TP53BP1: variants seen among roughly 807,000 people sequenced by gnomAD.
TP53BP1 encodes the protein tumor protein p53 binding protein 1.
Under a neutral mutation model 200.8 loss-of-function variants are expected in TP53BP1, and 61 were observed. The observed-to-expected ratio is 0.30, with a 90% CI of 0.25 to 0.38. The LOEUF (loss-of-function observed/expected upper bound fraction) is 0.38, where lower values mean the gene tolerates loss of function less well. TP53BP1 is among the 10% of genes least tolerant of loss of function. TP53BP1 has a pLI of 1.00. For synonymous variants in TP53BP1, 822 were observed against 844.3 expected (o/e 0.97, Z 0.46); for missense variants, 2,144 against 2,371.9 (o/e 0.90, Z 2.00).
At chr15:43,453,298 TAATAC>T (rs1358489602) in intron 12 of TP53BP1, among the ~76,000 whole-genome samples, 2 of 150,050 alleles carry the variant, frequency 1.3e-5, no homozygotes, top group East Asian at 3.9e-4. Flanking sequence ...TATTTAAACA[TAATAC>T]AATTAGAAAA....
intron 16 of TP53BP1, among the ~76,000 whole-genome samples, chr15:43,434,177 A>G (rs996412873): frequency 1.3e-5 from 2 of 152,180 alleles, no homozygotes; most frequent in African/African-American, 2.4e-5. Flanking sequence ...GAACAAGACC[A>G]CCAGGAGACA....
chr15:43,474,833 T>C, intron 9 of TP53BP1, 66 bp from the exon 10 acceptor site: 1 of 1,173,990 alleles, frequency 8.5e-7, no homozygotes, highest in South Asian at 1.3e-5. Flanking sequence ...CTGTATTTGC[T>C]TTTACTTTTT....
chr15:43,407,630 A>G (rs1263718353), intron 27 of TP53BP1, 60 bp from the exon 28 acceptor site: 2 of 1,505,028 alleles, frequency 1.3e-6, no homozygotes, highest in Admixed American at 2.0e-5. Flanking sequence ...CTCCATTAGA[A>G]AGAGAGATTT....
intron 12 of TP53BP1, among the ~76,000 whole-genome samples, chr15:43,449,941 A>T (rs1326898066): frequency 1.3e-5 from 2 of 152,238 alleles, no homozygotes; most frequent in Admixed American, 6.5e-5. Flanking sequence ...ACATCTACTC[A>T]AACTATTGCC....
At chr15:43,505,256 GC>G (rs2079230294) in intron 1 of TP53BP1, among the ~76,000 whole-genome samples, 1 of 152,138 alleles carries the variant, frequency 6.6e-6, no homozygotes, top group African/African-American at 2.4e-5. Flanking sequence ...AAAAAAAGAT[GC>G]AAAATATAAT....
At chr15:43,465,870 G>C (rs1237801323) in intron 11 of TP53BP1, among the ~76,000 whole-genome samples, 1 of 152,058 alleles carries the variant, frequency 6.6e-6, no homozygotes, top group African/African-American at 2.4e-5. Context: ...GCCCAGGCTG[G>C]TCTCAAACTC....
upstream of TP53BP1, among the ~76,000 whole-genome samples, chr15:43,494,229 C>G (rs1333816284): frequency 1.3e-5 from 2 of 152,194 alleles, no homozygotes; most frequent in Admixed American, 1.3e-4. Context: ...GCAGTTTTCT[C>G]TTTCTACCCC....
At chr15:43,477,911 A>T in intron 7 of TP53BP1, 152 bp from the exon 8 acceptor site, 1 of 585,918 alleles carries the variant, frequency 1.7e-6, no homozygotes, top group Non-Finnish European at 2.8e-6. Flanking sequence ...GAAATAAACT[A>T]CTCTTTATAG....
chr15:43,481,460 T>TACACACACACACAC (rs61433356), intron 4 of TP53BP1, among the ~76,000 whole-genome samples: 3 of 143,712 alleles, frequency 2.1e-5, no homozygotes, highest in Admixed American at 7.0e-5. Flanking sequence ...TGTATATAAA[T>TACACACACACACAC]ACACACACAC....
intron 14 of TP53BP1, among the ~76,000 whole-genome samples, chr15:43,442,268 A>G (rs2045942347): frequency 2.0e-5 from 3 of 151,652 alleles, no homozygotes; most frequent in Admixed American, 2.0e-4. Flanking sequence ...TTGTATTTTT[A>G]GTCGAGACGG....
chr15:43,417,200 C>CCA (rs1566918416), intron 21 of TP53BP1: 2 of 152,134 alleles, frequency 1.3e-5, no homozygotes, highest in African/African-American at 2.4e-5. Context: ...CCCCCCACCC[C>CCA]CACACACATA....
intron 11 of TP53BP1, 134 bp from the exon 12 acceptor site, chr15:43,457,352 A>C: frequency 1.1e-6 from 1 of 887,870 alleles, no homozygotes; most frequent in Non-Finnish European, 1.6e-6. Flanking sequence ...TAAAATTTCT[A>C]AATCAAATTT....
intron 12 of TP53BP1, among the ~76,000 whole-genome samples, 165 bp downstream of exon 12, chr15:43,455,727 A>T (rs1248205990): frequency 2.6e-5 from 4 of 152,176 alleles, no homozygotes; most frequent in Non-Finnish European, 1.5e-5. Context: ...TCTCAAAAAA[A>T]AAAAAAGGCA....
intron 26 of TP53BP1, 167 bp downstream of exon 26, chr15:43,408,730 T>C: frequency 1.5e-6 from 1 of 655,440 alleles, no homozygotes; most frequent in Non-Finnish European, 2.6e-6. Flanking sequence ...CAATGTAACC[T>C]AGGGAAATAA....
chr15:43,423,858 G>A (rs2045464369), intron 18 of TP53BP1, among the ~76,000 whole-genome samples: 1 of 151,400 alleles, frequency 6.6e-6, no homozygotes, highest in African/African-American at 2.4e-5. Context: ...GCTTCTTTGG[G>A]TTCCTCTTTC....
chr15:43,505,477 G>A (rs545520697), intron 1 of TP53BP1, among the ~76,000 whole-genome samples: 1 of 152,192 alleles, frequency 6.6e-6, no homozygotes, highest in Non-Finnish European at 1.5e-5. Flanking sequence ...AAGGGAAGAT[G>A]GTATTGATAA....
chr15:43,451,774 T>A (rs1385124216), intron 12 of TP53BP1, among the ~76,000 whole-genome samples: 2 of 152,232 alleles, frequency 1.3e-5, no homozygotes, highest in African/African-American at 4.8e-5. Flanking sequence ...ACTTCCACAA[T>A]GGTTGAACTA....
intron 15 of TP53BP1, among the ~76,000 whole-genome samples, chr15:43,440,430 G>C (rs916958368): frequency 6.6e-6 from 1 of 151,924 alleles, no homozygotes; most frequent in Admixed American, 6.6e-5. Context: ...CAGGAGAATG[G>C]TGTGGACCCG....
chr15:43,463,526 G>A (rs1009154812), intron 11 of TP53BP1, among the ~76,000 whole-genome samples: 1 of 152,032 alleles, frequency 6.6e-6, no homozygotes, highest in Non-Finnish European at 1.5e-5. Flanking sequence ...TAGAAATGGA[G>A]AACTAAATAT....
Sources: allele counts gnomAD v4.1 joint callset (sites outside exome capture counted in the v4.1 genomes callset), GRCh38; gene constraint gnomAD v4.1.1; transcripts MANE v1.5; gene names NCBI Gene and HGNC (gene_info 2026-07-23, HGNC 2026-07-21).